Variants in AGBL1 observed in about 807,000 individuals in gnomAD.
AGBL1 encodes the protein AGBL carboxypeptidase 1.
Under a neutral mutation model 118.9 loss-of-function variants are expected in AGBL1, and 130 were observed. The ratio of observed to expected loss-of-function variants is 1.09; its 90% CI spans 0.95 to 1.26. The LOEUF (loss-of-function observed/expected upper bound fraction) is 1.26. AGBL1 is among the 50% of genes most tolerant of loss of function. The pLI, the probability that AGBL1 is intolerant of heterozygous loss-of-function variation, is 0.00. For synonymous variants in AGBL1, 555 were observed against 478.9 expected (o/e 1.16, Z -2.08); for missense variants, 1,584 against 1,298.1 (o/e 1.22, Z -3.38).
At chr15:86,778,040 A>G (rs2078283471) in intron 22 of AGBL1, among the ~76,000 whole-genome samples, 1 of 152,186 alleles carries the variant, frequency 6.6e-6, no homozygotes, top group Non-Finnish European at 1.5e-5. Flanking sequence ...AAAAGGACAG[A>G]GTACAAAAGA....
chr15:86,647,373 C>G (rs1053155034), intron 21 of AGBL1, among the ~76,000 whole-genome samples: 3 of 152,152 alleles, frequency 2.0e-5, no homozygotes, highest in African/African-American at 7.2e-5. Context: ...ATGAACAAAA[C>G]AGAAATCCTT....
intron 17 of AGBL1, among the ~76,000 whole-genome samples, chr15:86,356,355 T>TGTGTGTGTGTGTGTGTGTGTGC (rs151263305): frequency 6.6e-6 from 1 of 150,906 alleles, no homozygotes; most frequent in Non-Finnish European, 1.5e-5. Flanking sequence ...TGTGTGTGTG[T>TGTGTGTGTGTGTGTGTGTGTGC]GCGCGTGCGC....
At chr15:86,164,102 G>C (rs537828046) in intron 5 of AGBL1, among the ~76,000 whole-genome samples, 2 of 152,354 alleles carry the variant, frequency 1.3e-5, no homozygotes, top group East Asian at 3.9e-4. Flanking sequence ...TTTTAGAGTT[G>C]TCTGGGGGAA....
chr15:86,705,799 T>C (rs1016326520), intron 22 of AGBL1, among the ~76,000 whole-genome samples: 2 of 152,178 alleles, frequency 1.3e-5, no homozygotes, highest in African/African-American at 4.8e-5. Flanking sequence ...TCAAGGTGTC[T>C]CTAGTGCTTT....
chr15:86,388,690 G>A (rs182658084), intron 17 of AGBL1, among the ~76,000 whole-genome samples: 433 of 152,112 alleles, frequency 2.8e-3, no homozygotes, highest in African/African-American at 8.1e-3. Context: ...AATCTATACA[G>A]GCAAAATAAT....
intron 17 of AGBL1, among the ~76,000 whole-genome samples, chr15:86,310,290 T>G (rs1294728314): frequency 6.6e-6 from 1 of 152,232 alleles, no homozygotes; most frequent in East Asian, 1.9e-4. Context: ...GTTTAAAATT[T>G]TATTTAAACC....
intron 18 of AGBL1, among the ~76,000 whole-genome samples, chr15:86,484,782 G>T (rs1003336112): frequency 3.3e-5 from 5 of 152,036 alleles, no homozygotes; most frequent in African/African-American, 1.2e-4. Flanking sequence ...CAGCTGTATT[G>T]TTCGACTGAG....
rs2080369213 is a variant in AGBL1, at chr15:86,912,833, C to T, written c.*5539C>T. On this transcript the variant is annotated 3_prime_UTR_variant, in exon 23 of 23. Transcript: ENST00000614907. The stretch of plus-strand genomic sequence containing the variant: ...TTTTGCCTTGCTGGTACAGCTCACC[C>T]CAGCTCCCCAAACTCTCTAGTCTTG... 6.6e-6 allele frequency: 1 copy of T among 152,186 alleles called. No homozygotes were observed. Among genetic ancestry groups the T allele is most frequent in the South Asian group, 2.1e-4 (1 of 4,830 alleles). The allele number at this position is 152,186 out of a possible 1,614,324, so 9.4% of individuals were successfully genotyped here.
intron 22 of AGBL1, among the ~76,000 whole-genome samples, chr15:86,785,325 A>G (rs1206524944): frequency 4.6e-5 from 7 of 151,780 alleles, no homozygotes; most frequent in African/African-American, 1.7e-4. Flanking sequence ...TTCTGATTCA[A>G]AAGGTCTGGG....
intron 21 of AGBL1, among the ~76,000 whole-genome samples, chr15:86,591,247 C>A (rs1005781189): frequency 3.3e-5 from 5 of 152,220 alleles, no homozygotes; most frequent in Non-Finnish European, 7.3e-5. Flanking sequence ...CCCAACACAA[C>A]AATCAATGCA....
intron 5 of AGBL1, among the ~76,000 whole-genome samples, chr15:86,224,673 G>A (rs2078331399): frequency 6.6e-6 from 1 of 152,122 alleles, no homozygotes; most frequent in Non-Finnish European, 1.5e-5. Context: ...GCAGGGGAGA[G>A]AAAGAGATTT....
chr15:86,980,631 T>C (rs1235140368), intron 23 of AGBL1, among the ~76,000 whole-genome samples: 1 of 152,194 alleles, frequency 6.6e-6, no homozygotes, highest in African/African-American at 2.4e-5. Context: ...CTCCTTCATT[T>C]GTCTCAAAAA....
At chr15:86,254,047 A>G (rs550208672) in intron 7 of AGBL1, among the ~76,000 whole-genome samples, 22 of 152,332 alleles carry the variant, frequency 1.4e-4, no homozygotes, top group Middle Eastern at 3.4e-3. Flanking sequence ...ACATAGAAGC[A>G]GAGCTGGAAT....
intron 17 of AGBL1, among the ~76,000 whole-genome samples, chr15:86,310,286 A>G (rs1396031424): frequency 6.6e-6 from 1 of 152,010 alleles, no homozygotes; most frequent in Non-Finnish European, 1.5e-5. Context: ...TCTTGTTTAA[A>G]ATTTTATTTA....
At chr15:86,459,695 C>T (rs8028028) in intron 18 of AGBL1, among the ~76,000 whole-genome samples, 69,467 of 151,822 alleles carry the variant, frequency 0.46, 16,487 homozygotes, top group Middle Eastern at 0.55. Flanking sequence ...ATCTCAACAA[C>T]AGAGGCTCAG....
rs541500938 is a variant in AGBL1, at chr15:86,222,098, T to C, written c.489-2816T>C. ...GGGGTTTCCTATCCTCTAGTGTTGA[T>C]GTCTTCCTGGGGCAGCCCTCTATTC... On this transcript the variant is annotated intron_variant, in intron 5 of 22. Coordinates refer to ENST00000614907, the MANE Select transcript of AGBL1 (RefSeq NM_001386094.1). 4.9e-4 allele frequency among the ~76,000 whole-genome samples: 75 copies of C among 152,276 alleles called. 1 individual carries two copies. The highest frequency in any genetic ancestry group is 1.7e-3 in the African/African-American group (72 of 41,568).
intron 21 of AGBL1, among the ~76,000 whole-genome samples, chr15:86,638,900 G>T (rs770641653): frequency 6.6e-6 from 1 of 152,054 alleles, no homozygotes; most frequent in Non-Finnish European, 1.5e-5. Context: ...TCAGCTCATC[G>T]TAGTTATTTC....
At chr15:86,750,501 A>C (rs2077833557) in intron 22 of AGBL1, among the ~76,000 whole-genome samples, 1 of 151,334 alleles carries the variant, frequency 6.6e-6, no homozygotes, top group Admixed American at 6.6e-5. Flanking sequence ...TTTAACAAGC[A>C]ATTGTAGTTG....
chr15:86,786,954 T>C (rs1402696884), intron 22 of AGBL1, among the ~76,000 whole-genome samples: 1 of 152,228 alleles, frequency 6.6e-6, no homozygotes, highest in African/African-American at 2.4e-5. Flanking sequence ...GGTCTGCAAC[T>C]GGTGGTACCA....
Sources: gnomAD v4.1 joint callset for allele counts (sites outside exome capture counted in the v4.1 genomes callset) on GRCh38, gnomAD v4.1.1 for gene constraint, MANE v1.5 for transcripts, NCBI Gene and HGNC (gene_info 2026-07-23, HGNC 2026-07-21) for gene names.